The following CLASP2 variants were observed in gnomAD, a reference collection of about 807,000 sequenced individuals.
CLASP2 encodes the protein CLIP-associating protein 2.
CLASP2 carries 47 observed loss-of-function variants against 194.4 expected under a neutral mutation model. The observed-to-expected ratio is 0.24, with a 90% CI of 0.19 to 0.31. The LOEUF is 0.31. CLASP2 is among the 10% of genes least tolerant of loss of function. The pLI is 1.00. For missense variants in CLASP2, 1,445 were observed against 1,823.6 expected, an observed-to-expected ratio of 0.79 and a Z score of 3.78; for synonymous variants, 619 against 633.5, an observed-to-expected ratio of 0.98 and a Z score of 0.34.
intron 6 of CLASP2, among the ~76,000 whole-genome samples, chr3:33,676,995 T>C (rs369655331): frequency 2.6e-5 from 4 of 152,186 alleles, no homozygotes; most frequent in Admixed American, 2.0e-4. Flanking sequence ...AAATCAAAAC[T>C]ACAATGAGAT....
At chr3:33,524,381 G>A (rs541414912) in intron 34 of CLASP2, among the ~76,000 whole-genome samples, 11 of 152,256 alleles carry the variant, frequency 7.2e-5, no homozygotes, top group Non-Finnish European at 1.5e-4. Context: ...GTTGGTGCAT[G>A]CCTGTAATAC....
rs552779480 is a variant in CLASP2, at chr3:33,648,126, T to C, written c.716-3223A>G. Among the ~76,000 whole-genome samples the C allele has an allele frequency of 2.7e-5, 4 of 149,500 alleles. No homozygotes were observed. The South Asian group carries it at 6.3e-4, about 24-fold the overall frequency. Reference sequence around the variant, plus strand: ...AAAAGAAGAGATACAAAAAGAAAAATAAAACAAGTGGATACGATAGAAAAT... The same window carrying C: ...AAAAGAAGAGATACAAAAAGAAAAACAAAACAAGTGGATACGATAGAAAAT... On this transcript the variant is annotated intron_variant, in intron 7 of 38. Coordinates refer to ENST00000682230, the MANE Select transcript of CLASP2 (RefSeq NM_001365631.1).
chr3:33,540,057 T>A (rs2058078672), intron 32 of CLASP2, among the ~76,000 whole-genome samples: 1 of 151,102 alleles, frequency 6.6e-6, no homozygotes, highest in Non-Finnish European at 1.5e-5. Flanking sequence ...GCCTCCCGAG[T>A]AGCTGGGATT....
chr3:33,602,407 T>C (rs1008212462), intron 18 of CLASP2: 4 of 663,656 alleles, frequency 6.0e-6, no homozygotes, highest in Non-Finnish European at 1.1e-5. Context: ...CCAGCAGTAC[T>C]ACCCAAAAGA....
At chr3:33,608,846 G>A (rs969854557) in intron 13 of CLASP2, among the ~76,000 whole-genome samples, 2 of 145,230 alleles carry the variant, frequency 1.4e-5, no homozygotes, top group African/African-American at 5.1e-5. Flanking sequence ...TCTGCCTCCC[G>A]GGTTCAAGTG....
chr3:33,584,617 T>G lies in CLASP2; in HGVS notation c.2239+133A>C, dbSNP rs1233836184. 5 of 822,114 alleles carry G rather than the reference T, an allele frequency of 6.1e-6. No individual in the cohort carries two copies. The South Asian group carries it at 9.3e-5, about 15-fold the overall frequency. The allele number at this position is 822,114 out of a possible 1,614,324, so 50.9% of individuals were successfully genotyped here. Reference sequence around the variant, plus strand: ...TTCAACTCATAAACTATTCTTCAATTGTTGAATTTTTAAGTTATTTTCTTC... The same window carrying G: ...TTCAACTCATAAACTATTCTTCAATGGTTGAATTTTTAAGTTATTTTCTTC... On this transcript the variant is annotated intron_variant, in intron 22 of 38. Coordinates refer to ENST00000682230, the MANE Select transcript of CLASP2 (RefSeq NM_001365631.1).
At chr3:33,499,328 T>A (rs1015718263) in intron 38 of CLASP2, among the ~76,000 whole-genome samples, 2 of 150,252 alleles carry the variant, frequency 1.3e-5, no homozygotes, top group Non-Finnish European at 2.9e-5. Context: ...AATCTCTTTA[T>A]GAATTACTCA....
chr3:33,567,864 G>A (rs2063024173), intron 26 of CLASP2, among the ~76,000 whole-genome samples: 1 of 152,064 alleles, frequency 6.6e-6, no homozygotes, highest in African/African-American at 2.4e-5. Flanking sequence ...ACTGCTCACT[G>A]CCCTCAAGAT....
Position 33,646,467 on chromosome 3 carries a change from T to G in CLASP2, c.716-1564A>C, listed in dbSNP as rs796288467. On this transcript the variant is annotated intron_variant, in intron 7 of 38. Coordinates refer to ENST00000682230, the MANE Select transcript of CLASP2 (RefSeq NM_001365631.1). ...AAAACCTATGCAGTACATAGACGGC[T>G]TTGTTAAAAACACTAATACAATTCC... is the stretch of plus-strand genomic sequence containing the variant. Among the ~76,000 whole-genome samples, 35 of 152,254 alleles carry G rather than the reference T, an allele frequency of 2.3e-4. 1 individual carries two copies. Among genetic ancestry groups the G allele is most frequent in the African/African-American group, 7.7e-4 (32 of 41,574 alleles).
At chr3:33,603,830 C>T (rs1160884530) in intron 17 of CLASP2, among the ~76,000 whole-genome samples, 1 of 152,030 alleles carries the variant, frequency 6.6e-6, no homozygotes, top group East Asian at 1.9e-4. Flanking sequence ...CCCATGTTGG[C>T]CAGGCTGGTC....
chr3:33,597,039 T>A (rs565705907), intron 18 of CLASP2, among the ~76,000 whole-genome samples: 99 of 152,316 alleles, frequency 6.5e-4, no homozygotes, highest in African/African-American at 2.0e-3. Flanking sequence ...GCCAATCCCC[T>A]GCTCTAGTCT....
chr3:33,527,220 C>T (rs777995540), intron 34 of CLASP2, among the ~76,000 whole-genome samples: 46 of 152,092 alleles, frequency 3.0e-4, no homozygotes, highest in Non-Finnish European at 6.3e-4. Flanking sequence ...AGATAGGCCA[C>T]TAGCTAGACT....
intron 29 of CLASP2, among the ~76,000 whole-genome samples, chr3:33,552,797 T>C (rs1267796957): frequency 6.6e-6 from 1 of 152,168 alleles, no homozygotes; most frequent in Non-Finnish European, 1.5e-5. Flanking sequence ...GTCTGTTAGA[T>C]CTCTAGACTT....
chr3:33,587,961 C>A (rs1233135177), intron 21 of CLASP2, among the ~76,000 whole-genome samples: 3 of 152,098 alleles, frequency 2.0e-5, no homozygotes, highest in Admixed American at 2.0e-4. Flanking sequence ...GGAGAGACTG[C>A]AGAATTTCTT....
At chr3:33,693,734 A>G (rs1464401274) in intron 2 of CLASP2, among the ~76,000 whole-genome samples, 1 of 152,208 alleles carries the variant, frequency 6.6e-6, no homozygotes, top group South Asian at 2.1e-4. Context: ...ATATTACCCT[A>G]AAGTAATAAC....
intron 23 of CLASP2, chr3:33,577,370 T>G: frequency 1.2e-6 from 1 of 834,456 alleles, no homozygotes; most frequent in Admixed American, 2.3e-5. Flanking sequence ...GTGTTATTCT[T>G]TATAGTTAAT....
chr3:33,667,384 G>C (rs1575428486), intron 6 of CLASP2, among the ~76,000 whole-genome samples: 1 of 122,252 alleles, frequency 8.2e-6, no homozygotes, highest in Admixed American at 9.6e-5. Flanking sequence ...ACTCCAGCCT[G>C]GGTGACAGAG....
In CLASP2 at chr3:33,619,678, T is replaced by G; in HGVS notation, c.1242A>C (p.Thr414=). The G allele has an allele frequency of 6.4e-7, 1 of 1,571,752 alleles. No individual in the cohort carries two copies. Among genetic ancestry groups the G allele is most frequent in the Non-Finnish European group, 8.6e-7 (1 of 1,157,974 alleles). ...FDHGAEAIVP[T]LFNLVPNSAK... ...CACTATTGGGGACGAGATTAAAAAG[T>G]GTAGGTACAATGGCTTCAGCGCCAT... Residue 414 remains threonine, a synonymous_variant, in exon 12 of 39, where the codon ACA becomes ACC. Transcript: ENST00000682230.
intron 7 of CLASP2, among the ~76,000 whole-genome samples, chr3:33,660,489 A>ACAACAAATCCTT (rs1322080855): frequency 6.6e-6 from 1 of 152,194 alleles, no homozygotes; most frequent in Non-Finnish European, 1.5e-5. Flanking sequence ...TATCACCTTT[A>ACAACAAATCCTT]CAACAAATCC....
Sources: gnomAD v4.1 joint callset for allele counts (sites outside exome capture counted in the v4.1 genomes callset) on GRCh38, gnomAD v4.1.1 for gene constraint, MANE v1.5 for transcripts, NCBI Gene and HGNC (gene_info 2026-07-23, HGNC 2026-07-21) for gene names.